ENOX1: variants seen among roughly 807,000 people sequenced by gnomAD.
ENOX1 encodes the protein ecto-NOX disulfide-thiol exchanger 1, also known as candidate growth-related and time keeping constitutive hydroquinone (NADH) oxidase.
ENOX1 carries 42 observed loss-of-function variants against 82.5 expected under a neutral mutation model. The ratio of observed to expected loss-of-function variants is 0.51; its 90% CI spans 0.40 to 0.66. ENOX1 has a LOEUF of 0.66. Among genes scored for constraint, ENOX1 ranks in the 30% least tolerant of loss-of-function variants. The probability of loss-of-function intolerance (pLI) is 0.00; values close to 1 mark genes in which losing one functional copy is unlikely to be tolerated. For synonymous variants in ENOX1, 271 were observed against 282.2 expected (o/e 0.96, Z 0.40); for missense variants, 608 against 811.6 (o/e 0.75, Z 3.05).
At chr13:43,325,106 C>CA (rs1566516041) in intron 10 of ENOX1, among the ~76,000 whole-genome samples, 2 of 149,110 alleles carry the variant, frequency 1.3e-5, no homozygotes, top group Non-Finnish European at 1.5e-5. Context: ...ACAGAGGACT[C>CA]TTTTTTTTTT....
intron 3 of ENOX1, among the ~76,000 whole-genome samples, chr13:43,457,588 TGGCCC>T (rs2153635363): frequency 6.6e-6 from 1 of 152,238 alleles, no homozygotes; most frequent in Admixed American, 6.5e-5. Context: ...GCAGGAAGAC[TGGCCC>T]AACTAAATAA....
intron 1 of ENOX1, among the ~76,000 whole-genome samples, chr13:43,780,121 A>G (rs1952176789): frequency 6.6e-6 from 1 of 151,462 alleles, no homozygotes. Context: ...AGATGGTGCC[A>G]CTGCACTCCA....
At chr13:43,261,667 T>C (rs1347390252) in intron 14 of ENOX1, among the ~76,000 whole-genome samples, 1 of 151,098 alleles carries the variant, frequency 6.6e-6, no homozygotes, top group African/African-American at 2.4e-5. Context: ...CCATAAAAAA[T>C]GATGAGTTCA....
intron 5 of ENOX1, among the ~76,000 whole-genome samples, chr13:43,361,915 AT>A (rs1180028324): frequency 6.6e-6 from 1 of 151,950 alleles, no homozygotes; most frequent in African/African-American, 2.4e-5. Flanking sequence ...GGAAAGTTCA[AT>A]TTATATGTGC....
At chr13:43,775,669 T>A (rs1041793012) in intron 1 of ENOX1, among the ~76,000 whole-genome samples, 11 of 152,182 alleles carry the variant, frequency 7.2e-5, no homozygotes, top group Admixed American at 2.6e-4. Context: ...AGCTTGTTCT[T>A]AATTGAGGCT....
At chr13:43,594,175 G>C (rs1270812192) in intron 2 of ENOX1, among the ~76,000 whole-genome samples, 1 of 152,216 alleles carries the variant, frequency 6.6e-6, no homozygotes, top group Non-Finnish European at 1.5e-5. Flanking sequence ...CAGTATCCAG[G>C]AATGTGGTAT....
intron 8 of ENOX1, among the ~76,000 whole-genome samples, chr13:43,345,130 CCTTT>C (rs2049301593): frequency 6.6e-6 from 1 of 152,086 alleles, no homozygotes; most frequent in Non-Finnish European, 1.5e-5. Flanking sequence ...TTTCTTTGTT[CCTTT>C]ATCAAAAATA....
chr13:43,314,840 G>C (rs568230443), intron 11 of ENOX1, among the ~76,000 whole-genome samples: 35 of 152,292 alleles, frequency 2.3e-4, no homozygotes, highest in African/African-American at 8.4e-4. Flanking sequence ...GTCTGGCCCA[G>C]TTACCATGCT....
chr13:43,391,563 CAT>C (rs2052777011), intron 5 of ENOX1, among the ~76,000 whole-genome samples: 1 of 152,188 alleles, frequency 6.6e-6, no homozygotes, highest in African/African-American at 2.4e-5. Context: ...TTTCTCACTT[CAT>C]AAACCCATTT....
At position 43,438,758 on chromosome 13, in the gene ENOX1, G is replaced by T. The variant is rs2056181837; in HGVS notation, c.-74-25770C>A. On this transcript the variant is annotated intron_variant, in intron 3 of 16. Coordinates refer to ENST00000690772, the MANE Select transcript of ENOX1 (RefSeq NM_001347969.2). The stretch of plus-strand genomic sequence containing the variant: ...ATTGCCTGAGGAGACTTTTCCAAAT[G>T]CATATGCTTGGTCTTCACCCCCAGG... 2.6e-5 allele frequency among the ~76,000 whole-genome samples: 4 copies of T among 152,268 alleles called. No individual in the cohort carries two copies. The South Asian group carries it at 8.3e-4, about 32-fold the overall frequency.
At chr13:43,544,341 T>C (rs778599477) in intron 2 of ENOX1, 17 of 152,200 alleles carry the variant, frequency 1.1e-4, no homozygotes, top group Non-Finnish European at 2.4e-4. Flanking sequence ...GGAGTGGAGA[T>C]GATTCATGTT....
intron 2 of ENOX1, among the ~76,000 whole-genome samples, chr13:43,583,319 T>G (rs1012271661): frequency 1.3e-5 from 2 of 152,210 alleles, no homozygotes; most frequent in East Asian, 1.9e-4. Context: ...GAAATTTATT[T>G]TATTCAGGAA....
chr13:43,604,568 A>G (rs554012117), intron 2 of ENOX1, among the ~76,000 whole-genome samples: 2 of 152,326 alleles, frequency 1.3e-5, no homozygotes, highest in African/African-American at 4.8e-5. Context: ...TTCAGCATCA[A>G]TTGAAATGAT....
chr13:43,442,357 GT>G (rs1367116849), intron 3 of ENOX1, among the ~76,000 whole-genome samples: 1 of 152,214 alleles, frequency 6.6e-6, no homozygotes, highest in Non-Finnish European at 1.5e-5. Flanking sequence ...GCCTGAGAAT[GT>G]GTTAAATATG....
At chr13:43,525,641 C>G (rs887077952) in intron 2 of ENOX1, among the ~76,000 whole-genome samples, 4 of 152,028 alleles carry the variant, frequency 2.6e-5, no homozygotes, top group Non-Finnish European at 5.9e-5. Flanking sequence ...CTAACCAACA[C>G]TTATTTGGTT....
intron 5 of ENOX1, among the ~76,000 whole-genome samples, chr13:43,363,610 C>T (rs993362868): frequency 1.3e-5 from 2 of 152,148 alleles, no homozygotes; most frequent in African/African-American, 2.4e-5. Flanking sequence ...TTCCGTACAT[C>T]GGCTTCATCT....
At chr13:43,536,937 C>T (rs531164499) in intron 2 of ENOX1, among the ~76,000 whole-genome samples, 8 of 152,216 alleles carry the variant, frequency 5.3e-5, no homozygotes, top group South Asian at 2.1e-4. Flanking sequence ...CAAGGAGCTT[C>T]CTCAGATGGA....
intron 1 of ENOX1, among the ~76,000 whole-genome samples, chr13:43,710,402 A>G (rs1483491461): frequency 1.3e-5 from 2 of 152,210 alleles, no homozygotes; most frequent in Non-Finnish European, 2.9e-5. Flanking sequence ...TTTGAAAAGT[A>G]TACAATGATT....
intron 12 of ENOX1, among the ~76,000 whole-genome samples, chr13:43,293,822 G>A (rs1473281074): frequency 2.6e-5 from 4 of 152,104 alleles, no homozygotes; most frequent in Non-Finnish European, 5.9e-5. Context: ...ACTAACTGGG[G>A]TTACTTTGTA....
Sources: allele counts gnomAD v4.1 joint callset (sites outside exome capture counted in the v4.1 genomes callset), GRCh38; gene constraint gnomAD v4.1.1; transcripts MANE v1.5; gene names NCBI Gene and HGNC (gene_info 2026-07-23, HGNC 2026-07-21).